The following XRN1 variants were observed in gnomAD, a reference collection of about 807,000 sequenced individuals.
XRN1 encodes the protein 5'-3' exoribonuclease 1.
In XRN1, 67 loss-of-function variants were observed where a neutral mutation model predicts 222.3. The ratio of observed to expected loss-of-function variants is 0.30; its 90% confidence interval spans 0.25 to 0.37. The LOEUF is 0.37. XRN1 is among the 10% of genes least tolerant of loss of function. The probability of loss-of-function intolerance (pLI) is 1.00; values close to 1 mark genes in which losing one functional copy is unlikely to be tolerated. For synonymous variants in XRN1, 643 were observed against 652.4 expected, an observed-to-expected ratio of 0.99 and a Z score of 0.22; for missense variants, 1,707 against 2,000.2, an observed-to-expected ratio of 0.85 and a Z score of 2.80.
chr3:142,377,357 T>TA (rs1157372106), intron 23 of XRN1, among the ~76,000 whole-genome samples: 4 of 152,100 alleles, frequency 2.6e-5, no homozygotes, highest in African/African-American at 9.7e-5. Flanking sequence ...CTTAAGAACA[T>TA]AATCAGATTT....
In XRN1 at chr3:142,447,955, A is replaced by G. The variant is rs2070603207; in HGVS notation, c.-11T>C. The G allele has an allele frequency of 6.2e-7, 1 of 1,613,472 alleles. No individual in the cohort carries two copies. The highest frequency in any genetic ancestry group is 1.3e-5 in the African/African-American group (1 of 74,860). On this transcript the variant is annotated 5_prime_UTR_variant, in exon 1 of 41. Coordinates refer to ENST00000392981, the MANE Select transcript of XRN1 (RefSeq NM_001282857.2). The surrounding 1 kb of genome is among the most constrained non-coding windows in gnomAD (Gnocchi z 4.2). Reference sequence around the variant, plus strand: ...CTTGGGGACTCCCATTTCGATCGTCAACACTAATCCCAGTCAGGGCCAAAC... The same window carrying G: ...CTTGGGGACTCCCATTTCGATCGTCGACACTAATCCCAGTCAGGGCCAAAC...
chr3:142,366,087 C>T (rs1170793684), intron 27 of XRN1, among the ~76,000 whole-genome samples: 1 of 152,186 alleles, frequency 6.6e-6, no homozygotes, highest in Non-Finnish European at 1.5e-5. Flanking sequence ...TGAACTCACA[C>T]TTAACTACTT....
intron 1 of XRN1, among the ~76,000 whole-genome samples, chr3:142,437,934 C>T (rs1215144903): frequency 6.6e-6 from 1 of 152,142 alleles, no homozygotes; most frequent in African/African-American, 2.4e-5. Flanking sequence ...CAAATAGGAA[C>T]ATGACAAGGT....
intron 2 of XRN1, among the ~76,000 whole-genome samples, chr3:142,428,981 G>C (rs2069389708): frequency 6.6e-6 from 1 of 151,978 alleles, no homozygotes; most frequent in Non-Finnish European, 1.5e-5. Context: ...AAACACAAAG[G>C]AAGAAAAGAA....
chr3:142,352,698 G>A (rs1429213221), intron 32 of XRN1, among the ~76,000 whole-genome samples: 2 of 152,106 alleles, frequency 1.3e-5, no homozygotes, highest in East Asian at 3.9e-4. Context: ...GGAGAGCAGT[G>A]GCACAATCTT....
intron 20 of XRN1, among the ~76,000 whole-genome samples, chr3:142,394,605 C>T (rs1385100399): frequency 3.9e-5 from 6 of 152,184 alleles, no homozygotes; most frequent in African/African-American, 9.7e-5. Context: ...TTCCCCATGC[C>T]AAACACACAA....
chr3:142,409,719 G>A (rs922552213), intron 15 of XRN1, among the ~76,000 whole-genome samples: 1 of 152,102 alleles, frequency 6.6e-6, no homozygotes, highest in Admixed American at 6.5e-5. Context: ...CACTGGGATT[G>A]AATTTAAAGA....
At chr3:142,345,207 A>G (rs1171796034) in intron 33 of XRN1, among the ~76,000 whole-genome samples, 1 of 152,210 alleles carries the variant, frequency 6.6e-6, no homozygotes, top group East Asian at 1.9e-4. Flanking sequence ...GGCAGCTGGT[A>G]CTACAGATGC....
At chr3:142,387,272 A>G (rs886909688) in intron 20 of XRN1, among the ~76,000 whole-genome samples, 12 of 152,214 alleles carry the variant, frequency 7.9e-5, no homozygotes, top group Non-Finnish European at 1.8e-4. Flanking sequence ...TAGAAAACAC[A>G]AATGTATGTG....
chr3:142,366,830 G>C (rs2066827604), intron 27 of XRN1, among the ~76,000 whole-genome samples: 2 of 152,122 alleles, frequency 1.3e-5, no homozygotes, highest in African/African-American at 4.8e-5. Context: ...ACATTAACAG[G>C]CATTATTACA....
chr3:142,323,479 G>A (rs995781576), intron 37 of XRN1, among the ~76,000 whole-genome samples: 1 of 151,900 alleles, frequency 6.6e-6, no homozygotes, highest in Non-Finnish European at 1.5e-5. Context: ...ACCATGCCCG[G>A]CCCACTTTTA....
chr3:142,437,142 G>T (rs1160156825), intron 1 of XRN1, among the ~76,000 whole-genome samples: 1 of 152,212 alleles, frequency 6.6e-6, no homozygotes. Context: ...CATACAAAGA[G>T]ATTACTGATA....
intron 39 of XRN1, among the ~76,000 whole-genome samples, chr3:142,314,828 C>T (rs1212519923): frequency 3.0e-5 from 4 of 131,682 alleles, no homozygotes; most frequent in African/African-American, 5.9e-5. Context: ...CAACTGAGCC[C>T]AAGGAGGTTG....
intron 39 of XRN1, among the ~76,000 whole-genome samples, chr3:142,318,006 T>C (rs2065253447): frequency 6.6e-6 from 1 of 152,196 alleles, no homozygotes; most frequent in African/African-American, 2.4e-5. Context: ...CAACTGCATG[T>C]CATAAATTTA....
intron 37 of XRN1, among the ~76,000 whole-genome samples, chr3:142,326,466 T>G (rs987403777): frequency 6.6e-6 from 1 of 152,156 alleles, no homozygotes; most frequent in Non-Finnish European, 1.5e-5. Context: ...TTGTTTGCTG[T>G]CAGTATATAG....
In XRN1 at chr3:142,432,697, C is replaced by T. The variant is rs1457905274; in HGVS notation, c.272G>A (p.Arg91Gln). Reference sequence around the variant, plus strand: ...CCCACGCTGCTGGTTCATTTTTGCTCGAGGAGCCACACCATCTACAGCCAT... The same window carrying T: ...CCCACGCTGCTGGTTCATTTTTGCTTGAGGAGCCACACCATCTACAGCCAT... ...FFMAVDGVAPRAKMNQQRGRR... is the reference protein window; with the variant it reads ...FFMAVDGVAPQAKMNQQRGRR... Residue 91 changes from arginine to glutamine, a missense_variant, in exon 2 of 41, where the codon CGA (arginine) becomes CAA (glutamine). Physicochemically the swap from Arg to Gln is conservative, Grantham distance 43. Transcript: ENST00000392981. 5.0e-6 allele frequency: 8 copies of T among 1,609,928 alleles called. No individual in the cohort carries two copies. In the Admixed American group the frequency reaches 5.0e-5, roughly 10 times the overall value.
intron 30 of XRN1, among the ~76,000 whole-genome samples, chr3:142,358,037 C>CA (rs2066511816): frequency 6.6e-6 from 1 of 151,774 alleles, no homozygotes; most frequent in Non-Finnish European, 1.5e-5. Context: ...GAATCTGTCT[C>CA]AAAAAACAAA....
At chr3:142,351,036 T>G (rs1348936583) in intron 32 of XRN1, among the ~76,000 whole-genome samples, 1 of 152,188 alleles carries the variant, frequency 6.6e-6, no homozygotes, top group Non-Finnish European at 1.5e-5. Flanking sequence ...TATGTACTTT[T>G]GTAGGTATAT....
chr3:142,338,751 G>A (rs2065910765), intron 33 of XRN1, among the ~76,000 whole-genome samples: 1 of 152,074 alleles, frequency 6.6e-6, no homozygotes, highest in South Asian at 2.1e-4. Flanking sequence ...CCCAGGCCAG[G>A]CAGCATTTAT....
Sources: gnomAD v4.1 joint callset for allele counts (sites outside exome capture counted in the v4.1 genomes callset) on GRCh38, gnomAD v4.1.1 for gene constraint, Gnocchi (gnomAD v3.1) non-coding constraint, MANE v1.5 for transcripts, NCBI Gene and HGNC (gene_info 2026-07-23, HGNC 2026-07-21) for gene names.